The following ECE2 variants were observed in gnomAD, a reference collection of about 807,000 sequenced individuals.
ECE2 encodes the protein endothelin converting enzyme 2, also known as endothelin-converting enzyme 2.
In ECE2, 81 loss-of-function variants were observed where a neutral mutation model predicts 100.6. The ratio of observed to expected loss-of-function variants is 0.81; its 90% CI spans 0.67 to 0.97. ECE2 has a LOEUF of 0.97. Ranked by LOEUF, ECE2 falls within the 50% of genes least tolerant of loss-of-function variation. ECE2 has a pLI of 0.00. For missense variants in ECE2, 911 were observed against 988.1 expected (o/e 0.92, Z 1.05); for synonymous variants, 391 against 391.5 (o/e 1.00, Z 0.02).
intron 8 of ECE2, 45 bp from the exon 9 acceptor site, chr3:184,284,918 T>C (rs761976505): frequency 3.8e-6 from 6 of 1,598,790 alleles, no homozygotes; most frequent in African/African-American, 1.3e-5. Context: ...AGGGTTCTGC[T>C]GGAAGCGAGT....
Position 184,291,697 on chromosome 3 carries a change from C to CAGGGCACAGGGT in ECE2, c.2121+258_2121+259insAGGGCACAGGGT, listed in dbSNP as rs578000282. 337 of 203,760 alleles carry CAGGGCACAGGGT rather than the reference C, an allele frequency of 1.7e-3. No homozygotes were observed. The African/African-American group carries it at 0.02, about 12-fold the overall frequency. 12.6% of individuals were successfully genotyped at this position (203,760 alleles called of 1,614,324 possible). ...TCAAAGGGCAAGGTTGTCGTGCTTG[C>CAGGGCACAGGGT]GGGGCACAGGGTGGCGAAGGGGGCA... is the stretch of plus-strand genomic sequence containing the variant. On this transcript the variant is annotated intron_variant, in intron 18 of 18. Coordinates refer to ENST00000404464, the MANE Select transcript of ECE2 (RefSeq NM_001100121.2). This position sits in a 1 kb window ranked among gnomAD's most constrained non-coding sequence, Gnocchi z 4.1.
intron 9 of ECE2, 136 bp downstream of exon 9, chr3:184,285,241 T>C (rs1398909360): frequency 2.2e-5 from 29 of 1,305,108 alleles, no homozygotes; most frequent in Admixed American, 1.6e-4. Flanking sequence ...AGAATGTCTA[T>C]GGGCTTTTCC....
chr3:184,285,537 G>A lies in ECE2; in HGVS notation c.1208G>A (p.Arg403Gln), dbSNP rs112655288. The A allele has an allele frequency of 1.2e-5, 20 of 1,614,070 alleles. No homozygotes were observed. In the African/African-American group the frequency reaches 1.5e-4, roughly 12 times the overall value. The change falls in exon 10 of 19, where the codon CGA becomes CAA. Residue 403 changes from arginine (R) to glutamine (Q), a missense_variant. Arg to Gln is a conservative substitution (Grantham distance 43). Transcript: ENST00000404464. ...CAAAAGACAACCTCAAGCCTGGACC[G>A]ACGCTTTGAGTCTGCACAAGAGAAG... ...LVQKTTSSLDRRFESAQEKLL... is the reference protein window; with the variant it reads ...LVQKTTSSLDQRFESAQEKLL...
At position 184,285,128 on chromosome 3, in the gene ECE2, G is replaced by T. The variant is rs759826078; in HGVS notation, c.1148+23G>T. ...AAGGTGTGGGGGTAGCCCAGGGTGA[G>T]GGTGGGTTCTGTGGAGGTCTCCAGC... On this transcript the variant is annotated intron_variant, in intron 9 of 18. Coordinates refer to ENST00000404464, the MANE Select transcript of ECE2 (RefSeq NM_001100121.2). 3.7e-6 allele frequency: 6 copies of T among 1,609,856 alleles called. No homozygotes were observed. In the African/African-American group the frequency reaches 8.0e-5, roughly 22 times the overall value.
intron 13 of ECE2, 99 bp from the exon 14 acceptor site, chr3:184,290,156 A>G (rs921262589): frequency 3.3e-6 from 3 of 917,518 alleles, no homozygotes; most frequent in African/African-American, 3.3e-5. Context: ...AGTTGAGGAA[A>G]CTGAGGTTTG....
rs761645341 is a variant in ECE2 at position 184,291,461 on chromosome 3, T to G, written c.2121+22T>G. 3.9e-6 allele frequency: 6 copies of G among 1,553,892 alleles called. No individual in the cohort carries two copies. The East Asian group carries it at 1.3e-4, about 35-fold the overall frequency. On this transcript the variant is annotated intron_variant, in intron 18 of 18. Coordinates refer to ENST00000404464, the MANE Select transcript of ECE2 (RefSeq NM_001100121.2). The surrounding 1 kb of genome is among the most constrained non-coding windows in gnomAD (Gnocchi z 4.1). ...CCAGGTATCACCCTCTCGGAAGGCC[T>G]GGGGTCTGCCCCTTTGTCCTGCTCC...
In ECE2 at chr3:184,291,276, G is replaced by A. The variant is rs781369480; in HGVS notation, c.2025+46G>A. ...TCCAGCGGCTGAGGCCTGCTGGCCT[G>A]GGGTGAAAGGTGCCGGGTGGGTGGG... is the stretch of plus-strand genomic sequence containing the variant. On this transcript the variant is annotated intron_variant, in intron 17 of 18. Coordinates refer to ENST00000404464, the MANE Select transcript of ECE2 (RefSeq NM_001100121.2). The surrounding 1 kb of genome is among the most constrained non-coding windows in gnomAD (Gnocchi z 4.1). 6.3e-7 allele frequency: 1 copy of A among 1,594,954 alleles called. No homozygotes were observed. The highest frequency in any genetic ancestry group is 8.6e-7 in the Non-Finnish European group (1 of 1,169,074).
Position 184,289,408 on chromosome 3 carries a change from G to A in ECE2, c.1375-29G>A. On this transcript the variant is annotated intron_variant, in intron 11 of 18. Transcript: ENST00000404464. This position sits in a 1 kb window ranked among gnomAD's most constrained non-coding sequence, Gnocchi z 4.1. ...GGGCAGGGATGCATTCAGTGCAGGG[G>A]AAGGCTGACTTTACCTCCTCCCTCC... The A allele has an allele frequency of 1.9e-6, 3 of 1,569,668 alleles. No homozygotes were observed. The highest frequency in any genetic ancestry group is 2.6e-6 in the Non-Finnish European group (3 of 1,156,452).
In ECE2 at chr3:184,292,191, C is replaced by T. The variant is rs1721362036; in HGVS notation, c.2251C>T (p.Pro751Ser). The change falls in exon 19 of 19, where the codon CCT (proline) becomes TCT (serine). Residue 751 changes from proline to serine, a missense_variant. Physicochemically the swap from Pro to Ser is moderately conservative, Grantham distance 74 (BLOSUM62 -1). Coordinates refer to ENST00000404464, the MANE Select transcript of ECE2 (RefSeq NM_001100121.2). The part of the protein sequence containing the change: ...SRDFLRHFGC[P>S]VGSPMNPGQL... ...TGACTTCCTGCGGCACTTCGGCTGCCCTGTCGGCTCCCCCATGAACCCAGG... is the reference window on the plus strand; with the variant it reads ...TGACTTCCTGCGGCACTTCGGCTGCTCTGTCGGCTCCCCCATGAACCCAGG... The T allele has an allele frequency of 6.2e-7, 1 of 1,614,152 alleles. No homozygotes were observed. Among genetic ancestry groups the T allele is most frequent in the Non-Finnish European group, 8.5e-7 (1 of 1,180,030 alleles).
chr3:184,280,983 A>C (rs1348285097), intron 7 of ECE2, among the ~76,000 whole-genome samples: 3 of 151,990 alleles, frequency 2.0e-5, no homozygotes, highest in Admixed American at 6.6e-5. Context: ...TGTCTCAAAA[A>C]AAAAAAAAAG....
At chr3:184,285,803 A>AT (rs1256691260) in intron 10 of ECE2, among the ~76,000 whole-genome samples, 1 of 152,136 alleles carries the variant, frequency 6.6e-6, no homozygotes, top group Non-Finnish European at 1.5e-5. Context: ...CTGACTCTCC[A>AT]TTTCCTGCTC....
intron 7 of ECE2, among the ~76,000 whole-genome samples, chr3:184,279,656 C>CAAAA (rs10652404): frequency 3.1e-5 from 4 of 128,120 alleles, no homozygotes; most frequent in East Asian, 2.4e-4. Flanking sequence ...GACTTCATCT[C>CAAAA]AAAAAAAAAA....
intron 7 of ECE2, among the ~76,000 whole-genome samples, chr3:184,282,132 C>T (rs901450715): frequency 1.3e-5 from 2 of 152,054 alleles, no homozygotes; most frequent in Admixed American, 6.6e-5. Flanking sequence ...AAGAGTAAAG[C>T]AGGGTTCAGG....
chr3:184,291,984 C>G lies in ECE2; in HGVS notation c.2122-78C>G, dbSNP rs924765747. ...GCTGCAGCGGTGGTGGTTTGTGCCCCTGGGATGGCTGTAGCTGACTCTAAG... is the reference window on the plus strand; with the variant it reads ...GCTGCAGCGGTGGTGGTTTGTGCCCGTGGGATGGCTGTAGCTGACTCTAAG... On this transcript the variant is annotated intron_variant, in intron 18 of 18. Coordinates refer to ENST00000404464, the MANE Select transcript of ECE2 (RefSeq NM_001100121.2). The surrounding 1 kb of genome is among the most constrained non-coding windows in gnomAD (Gnocchi z 4.1). The G allele has an allele frequency of 1.1e-5, 16 of 1,510,740 alleles. No homozygotes were observed. In the South Asian group the frequency reaches 1.9e-4, roughly 18 times the overall value. 93.6% of individuals were successfully genotyped at this position (1,510,740 alleles called of 1,614,324 possible).
chr3:184,281,492 G>A (rs1221768536), intron 7 of ECE2, among the ~76,000 whole-genome samples: 2 of 152,248 alleles, frequency 1.3e-5, no homozygotes, highest in African/African-American at 4.8e-5. Flanking sequence ...GGGCATGCGG[G>A]CCAAGGCCTT....
At chr3:184,279,309 CAAAAA>C (rs60647349) in intron 7 of ECE2, among the ~76,000 whole-genome samples, 1 of 79,150 alleles carries the variant, frequency 1.3e-5, no homozygotes. Flanking sequence ...GACTCCGACT[CAAAAA>C]AAAAAAAAAA....
intron 7 of ECE2, chr3:184,278,861 A>C (rs1720693267): frequency 4.7e-6 from 2 of 428,986 alleles, no homozygotes; most frequent in Non-Finnish European, 8.5e-6. Flanking sequence ...TTCAGTGTCG[A>C]TGGGTTCATG....
At chr3:184,276,816 C>T in intron 2 of ECE2, 76 bp from the exon 3 acceptor site, 7 of 1,590,846 alleles carry the variant, frequency 4.4e-6, no homozygotes, top group Non-Finnish European at 6.0e-6. Context: ...TGAAAACTGC[C>T]TGTGGCTTCA....
rs34997999 is a variant in ECE2 at position 184,278,358 on chromosome 3, C to G, written c.750+45C>G. The G allele has an allele frequency of 3.8e-4, 602 of 1,602,766 alleles. 13 individuals carry two copies. In the Admixed American group the frequency reaches 9.9e-3, roughly 26 times the overall value. On this transcript the variant is annotated intron_variant, in intron 6 of 18. Transcript: ENST00000404464. ...TGGGGAGAGACTTAGGGACACTTTGCTGAGCCCAGACTTCCCTCTCCTGTG... is the reference window on the plus strand; with the variant it reads ...TGGGGAGAGACTTAGGGACACTTTGGTGAGCCCAGACTTCCCTCTCCTGTG...
Sources: gnomAD v4.1 joint callset for allele counts (sites outside exome capture counted in the v4.1 genomes callset) on GRCh38, gnomAD v4.1.1 for gene constraint, Gnocchi (gnomAD v3.1) non-coding constraint, MANE v1.5 for transcripts, NCBI Gene and HGNC (gene_info 2026-07-23, HGNC 2026-07-21) for gene names.